The following EPHB1 variants were observed in gnomAD, a reference collection of about 807,000 sequenced individuals.
The protein encoded by EPHB1 is ephrin type-B receptor 1.
Under a neutral mutation model 94.4 loss-of-function variants are expected in EPHB1, and 30 were observed. The observed-to-expected ratio is 0.32, with a 90% CI of 0.24 to 0.43. EPHB1 has a LOEUF of 0.43. Ranked by LOEUF, EPHB1 falls within the 20% of genes least tolerant of loss-of-function variation. EPHB1 has a pLI of 1.00. For synonymous variants in EPHB1, 522 were observed against 489.1 expected (o/e 1.07, Z -0.89); for missense variants, 1,055 against 1,308.3 (o/e 0.81, Z 2.99).
At chr3:135,185,986 C>G (rs1942318417) in intron 10 of EPHB1, among the ~76,000 whole-genome samples, 1 of 152,210 alleles carries the variant, frequency 6.6e-6, no homozygotes, top group Non-Finnish European at 1.5e-5. Context: ...TGGTTTTCTT[C>G]TTCTAAGTGT....
chr3:134,917,718 T>A (rs1357178531), intron 1 of EPHB1, among the ~76,000 whole-genome samples: 4 of 152,194 alleles, frequency 2.6e-5, no homozygotes, highest in Non-Finnish European at 4.4e-5. Flanking sequence ...AGCAGATGGG[T>A]TGGGTTGGCA....
intron 10 of EPHB1, among the ~76,000 whole-genome samples, chr3:135,191,264 C>T (rs751776554): frequency 2.0e-5 from 3 of 152,148 alleles, no homozygotes; most frequent in Non-Finnish European, 4.4e-5. Context: ...GCTTAACCAG[C>T]CTCTACTCCA....
chr3:135,253,339 G>T (rs1933213250), intron 15 of EPHB1, among the ~76,000 whole-genome samples: 1 of 150,272 alleles, frequency 6.7e-6, no homozygotes, highest in African/African-American at 2.4e-5. Context: ...GGTTTTTATG[G>T]TTTTAGGTCT....
chr3:134,974,209 C>T (rs891036496), intron 3 of EPHB1, among the ~76,000 whole-genome samples: 2 of 152,080 alleles, frequency 1.3e-5, no homozygotes, highest in Non-Finnish European at 2.9e-5. Context: ...CAAGGATGCA[C>T]GCGTGCGCAC....
intron 1 of EPHB1, among the ~76,000 whole-genome samples, chr3:134,924,801 T>A (rs1337310901): frequency 2.6e-5 from 4 of 152,358 alleles, no homozygotes; most frequent in East Asian, 3.9e-4. Flanking sequence ...CAAGATTTTT[T>A]AAAAATGGCA....
intron 9 of EPHB1, 82 bp from the exon 10 acceptor site, chr3:135,179,778 C>G (rs1482411966): frequency 1.2e-5 from 18 of 1,553,468 alleles, no homozygotes; most frequent in Admixed American, 1.7e-5. Context: ...CAGGAATGCC[C>G]TTAGTGCTGG....
At chr3:135,048,700 C>T (rs1175072182) in intron 3 of EPHB1, among the ~76,000 whole-genome samples, 1 of 152,214 alleles carries the variant, frequency 6.6e-6, no homozygotes, top group African/African-American at 2.4e-5. Context: ...CATCTAGCCA[C>T]ATCTGGCATG....
intron 12 of EPHB1, among the ~76,000 whole-genome samples, chr3:135,225,964 AT>A (rs2107722061): frequency 6.6e-6 from 1 of 152,340 alleles, no homozygotes; most frequent in African/African-American, 2.4e-5. Flanking sequence ...TGGAAAGTAA[AT>A]CTTAAAGTAG....
At chr3:135,223,958 A>G (rs1296027828) in intron 12 of EPHB1, among the ~76,000 whole-genome samples, 1 of 152,238 alleles carries the variant, frequency 6.6e-6, no homozygotes, top group Non-Finnish European at 1.5e-5. Flanking sequence ...GTTATGTGCC[A>G]TATAATGATG....
At chr3:134,850,443 A>G (rs2036956183) in intron 1 of EPHB1, among the ~76,000 whole-genome samples, 3 of 152,162 alleles carry the variant, frequency 2.0e-5, no homozygotes, top group Non-Finnish European at 2.9e-5. Flanking sequence ...TCTCTGAGAA[A>G]GAGGGATGTT....
chr3:134,896,533 GT>G (rs1400786835), intron 1 of EPHB1, among the ~76,000 whole-genome samples: 2 of 152,240 alleles, frequency 1.3e-5, no homozygotes, highest in Non-Finnish European at 2.9e-5. Context: ...CCCCACTGAT[GT>G]GTTGTTGCTG....
chr3:134,950,945 G>C (rs576422601), intron 2 of EPHB1, among the ~76,000 whole-genome samples: 11 of 152,330 alleles, frequency 7.2e-5, no homozygotes, highest in African/African-American at 2.4e-4. Context: ...TAGGTTCAAA[G>C]ATGGGGATTT....
chr3:134,881,666 C>A (rs558533336), intron 1 of EPHB1, among the ~76,000 whole-genome samples: 2 of 152,126 alleles, frequency 1.3e-5, no homozygotes, highest in Non-Finnish European at 2.9e-5. Context: ...GGGTGCTAAT[C>A]GGTTTATGGC....
Position 134,795,290 on chromosome 3 carries a change from C to T in EPHB1, c.-342C>T, listed in dbSNP as rs2035797633. ...GGCCGGCTCCGTCCTCCCGTAGGCT[C>T]CGCTGTAGCTAGCAATGTGACACCA... On this transcript the variant is annotated 5_prime_UTR_variant, in exon 1 of 16. Transcript: ENST00000398015. 5 of 416,318 alleles carry T rather than the reference C, an allele frequency of 1.2e-5. No homozygotes were observed. The South Asian group carries it at 1.8e-4, about 15-fold the overall frequency. The allele number at this position is 416,318 out of a possible 1,614,324, so 25.8% of individuals were successfully genotyped here.
chr3:134,982,923 A>C (rs1934461263), intron 3 of EPHB1, among the ~76,000 whole-genome samples: 1 of 152,158 alleles, frequency 6.6e-6, no homozygotes, highest in African/African-American at 2.4e-5. Context: ...GCCTGAAAGC[A>C]CTGGCTTTTT....
Position 134,857,599 on chromosome 3 carries a change from G to C in EPHB1, c.58+61910G>C, listed in dbSNP as rs555515158. Among the ~76,000 whole-genome samples, 330 of 152,162 alleles carry C rather than the reference G, an allele frequency of 2.2e-3. 2 individuals are homozygous for C. The highest frequency in any genetic ancestry group is 7.4e-3 in the African/African-American group (307 of 41,522). On this transcript the variant is annotated intron_variant, in intron 1 of 15. Coordinates refer to ENST00000398015, the MANE Select transcript of EPHB1 (RefSeq NM_004441.5). ...TGGTGGGTACTGTGGTTGATTGGGG[G>C]TGAAGGTGGTTACTCACGGGAATAG...
chr3:135,016,955 C>T (rs1576319190), intron 3 of EPHB1, among the ~76,000 whole-genome samples: 1 of 152,282 alleles, frequency 6.6e-6, no homozygotes, highest in East Asian at 1.9e-4. Context: ...CAGCTCCCTT[C>T]CCTCATCTCC....
At chr3:135,193,362 C>A (rs1313551879) in intron 11 of EPHB1, among the ~76,000 whole-genome samples, 1 of 152,246 alleles carries the variant, frequency 6.6e-6, no homozygotes, top group African/African-American at 2.4e-5. Flanking sequence ...AGATTCCCAA[C>A]CAACTTGCAG....
chr3:134,929,813 A>G (rs2038870310), intron 2 of EPHB1, among the ~76,000 whole-genome samples: 1 of 152,088 alleles, frequency 6.6e-6, no homozygotes, highest in Non-Finnish European at 1.5e-5. Context: ...AGGAGGATGA[A>G]CTTCATGGCA....
Sources: allele counts gnomAD v4.1 joint callset (sites outside exome capture counted in the v4.1 genomes callset), GRCh38; gene constraint gnomAD v4.1.1; transcripts MANE v1.5; gene names NCBI Gene and HGNC (gene_info 2026-07-23, HGNC 2026-07-21).